Variants in RALYL observed in about 807,000 individuals in gnomAD.
RALYL encodes RALY RNA binding protein like.
RALYL carries 29 observed loss-of-function variants against 35.1 expected under a neutral mutation model. The observed-to-expected ratio is 0.83, with a 90% confidence interval of 0.61 to 1.13. The LOEUF (loss-of-function observed/expected upper bound fraction) is 1.13. RALYL is among the 50% of genes most tolerant of loss of function. RALYL has a pLI of 0.00. For missense variants in RALYL, 359 were observed against 360.4 expected (o/e 1.00, Z 0.03); for synonymous variants, 120 against 127.6 (o/e 0.94, Z 0.40).
At chr8:84,368,474 T>C (rs1443885222) in intron 1 of RALYL, among the ~76,000 whole-genome samples, 1 of 152,198 alleles carries the variant, frequency 6.6e-6, no homozygotes, top group East Asian at 1.9e-4. Flanking sequence ...GGTCAGTGTA[T>C]TAGTCTGCTT....
At chr8:84,612,875 A>C (rs1376166727) in intron 2 of RALYL, among the ~76,000 whole-genome samples, 2 of 151,734 alleles carry the variant, frequency 1.3e-5, no homozygotes, top group African/African-American at 2.4e-5. Context: ...GTGACACTGC[A>C]CAAAGAAAAA....
intron 2 of RALYL, among the ~76,000 whole-genome samples, chr8:84,742,543 C>T (rs73691030): frequency 0.015 from 2,346 of 152,032 alleles, 64 homozygotes; most frequent in African/African-American, 0.054. Flanking sequence ...CCTCATTTTT[C>T]AAGTTTATTC....
At chr8:84,634,569 A>T (rs976387153) in intron 2 of RALYL, among the ~76,000 whole-genome samples, 1 of 151,824 alleles carries the variant, frequency 6.6e-6, no homozygotes, top group Non-Finnish European at 1.5e-5. Flanking sequence ...AGTCTCATGT[A>T]TTCAGTACAT....
intron 7 of RALYL, among the ~76,000 whole-genome samples, chr8:84,875,908 G>T (rs1190718608): frequency 6.6e-6 from 1 of 152,014 alleles, no homozygotes; most frequent in Non-Finnish European, 1.5e-5. Context: ...TTTACTATTA[G>T]TTATTTATTT....
At position 84,297,533 on chromosome 8, in the gene RALYL, G is replaced by A. The variant is rs144267828; in HGVS notation, c.-24+113109G>A. ...AATGAACATGCACATGCATCTGTCT[G>A]TGTGGTAGCATAATTTATATTTTTG... On this transcript the variant is annotated intron_variant, in intron 1 of 8. Transcript: ENST00000521268. 7.8e-3 allele frequency among the ~76,000 whole-genome samples: 1,179 copies of A among 152,100 alleles called. 20 individuals are homozygous for A. Among genetic ancestry groups the A allele is most frequent in the African/African-American group, 0.027 (1,135 of 41,514 alleles).
intron 2 of RALYL, among the ~76,000 whole-genome samples, chr8:84,707,883 C>G (rs1311597454): frequency 1.3e-5 from 2 of 152,046 alleles, no homozygotes; most frequent in African/African-American, 2.4e-5. Flanking sequence ...GGAATTTTCC[C>G]ATCACCAAAA....
intron 7 of RALYL, among the ~76,000 whole-genome samples, chr8:84,876,669 G>A (rs1303815868): frequency 6.7e-6 from 1 of 149,642 alleles, no homozygotes; most frequent in Non-Finnish European, 1.5e-5. Flanking sequence ...AAGTGAAAAG[G>A]CAATTATTAG....
chr8:84,837,039 G>T (rs1159349026), intron 4 of RALYL, among the ~76,000 whole-genome samples: 1 of 152,012 alleles, frequency 6.6e-6, no homozygotes, highest in Non-Finnish European at 1.5e-5. Context: ...TCTTTGCAAG[G>T]TCCAGTTCAA....
At chr8:84,838,185 A>G (rs760355805) in intron 4 of RALYL, among the ~76,000 whole-genome samples, 11 of 152,134 alleles carry the variant, frequency 7.2e-5, no homozygotes, top group Non-Finnish European at 1.6e-4. Flanking sequence ...GGATATATAA[A>G]ATTCTTTAAA....
chr8:84,673,997 T>C (rs1287684631), intron 2 of RALYL, among the ~76,000 whole-genome samples: 1 of 152,228 alleles, frequency 6.6e-6, no homozygotes, highest in Non-Finnish European at 1.5e-5. Context: ...ATATTGATAC[T>C]TCCTGTCCAT....
intron 2 of RALYL, among the ~76,000 whole-genome samples, chr8:84,661,591 TA>T (rs1231441034): frequency 6.7e-6 from 1 of 149,990 alleles, no homozygotes; most frequent in Non-Finnish European, 1.5e-5. Context: ...TTTTTTGACA[TA>T]GTTTTTTTTT....
chr8:84,808,454 T>C (rs1431788197), intron 4 of RALYL, among the ~76,000 whole-genome samples: 2 of 152,178 alleles, frequency 1.3e-5, no homozygotes, highest in African/African-American at 2.4e-5. Flanking sequence ...TCCAGATTTG[T>C]TCTTTTTGCT....
intron 1 of RALYL, among the ~76,000 whole-genome samples, chr8:84,526,222 A>T (rs201397822): frequency 6.6e-6 from 1 of 151,990 alleles, no homozygotes; most frequent in African/African-American, 2.4e-5. Context: ...CCCAAAGTGC[A>T]GGGATTACAG....
At chr8:84,316,986 A>T (rs1262821207) in intron 1 of RALYL, among the ~76,000 whole-genome samples, 2 of 151,920 alleles carry the variant, frequency 1.3e-5, no homozygotes, top group East Asian at 3.9e-4. Context: ...TAATTAGGTT[A>T]GGTATTCTCA....
intron 1 of RALYL, among the ~76,000 whole-genome samples, chr8:84,492,096 A>G (rs1361116673): frequency 6.6e-6 from 1 of 152,034 alleles, no homozygotes; most frequent in Non-Finnish European, 1.5e-5. Flanking sequence ...TCAGTCTTCT[A>G]ATGTTTCCAC....
chr8:84,302,837 A>G (rs2132394199), intron 1 of RALYL, among the ~76,000 whole-genome samples: 1 of 152,256 alleles, frequency 6.6e-6, no homozygotes, highest in East Asian at 1.9e-4. Context: ...CTCTCCAATT[A>G]TTTCTGGGAG....
intron 3 of RALYL, among the ~76,000 whole-genome samples, chr8:84,783,505 C>T (rs1370233488): frequency 6.6e-6 from 1 of 152,208 alleles, no homozygotes; most frequent in Non-Finnish European, 1.5e-5. Context: ...ATAGATCCTT[C>T]ATTCTAACTG....
chr8:84,469,397 C>T (rs891686114), intron 1 of RALYL, among the ~76,000 whole-genome samples: 2 of 152,112 alleles, frequency 1.3e-5, no homozygotes, highest in African/African-American at 2.4e-5. Flanking sequence ...TTGGAGTACC[C>T]TGCCGTGTGA....
chr8:84,529,433 A>C lies in RALYL; in HGVS notation c.112A>C (p.Ile38Leu), dbSNP rs778444181. The C allele has an allele frequency of 6.2e-7, 1 of 1,613,550 alleles. No homozygotes were observed. ...LNTAIVKKVD[I>L]EAIFSKYGKI... Reference sequence around the variant, plus strand: ...TACGGCAATTGTCAAGAAAGTTGACATTGAAGCCATTTTTTCAAAGTATGG... The same window carrying C: ...TACGGCAATTGTCAAGAAAGTTGACCTTGAAGCCATTTTTTCAAAGTATGG... The change falls in exon 2 of 9, where the codon ATT becomes CTT. Residue 38 changes from isoleucine (I) to leucine (L), a missense_variant. Coordinates refer to ENST00000521268, the MANE Select transcript of RALYL (RefSeq NM_173848.7).
Sources: gnomAD v4.1 joint callset for allele counts (sites outside exome capture counted in the v4.1 genomes callset) on GRCh38, gnomAD v4.1.1 for gene constraint, MANE v1.5 for transcripts, NCBI Gene and HGNC (gene_info 2026-07-23, HGNC 2026-07-21) for gene names.